GLIS3: variants seen among roughly 807,000 people sequenced by gnomAD.
The protein encoded by GLIS3 is GLIS family zinc finger 3, also known as zinc finger protein GLIS3.
In GLIS3, 53 loss-of-function variants were observed where a neutral mutation model predicts 78.6. That is an observed-to-expected ratio of 0.67 (90% CI 0.54 to 0.85). The LOEUF is 0.85. GLIS3 is among the 40% of genes least tolerant of loss of function. The probability of loss-of-function intolerance (pLI) is 0.00; values close to 1 mark genes in which losing one functional copy is unlikely to be tolerated. For synonymous variants in GLIS3, 684 were observed against 509.9 expected, an observed-to-expected ratio of 1.34 and a Z score of -4.60; for missense variants, 1,703 against 1,231.1, an observed-to-expected ratio of 1.38 and a Z score of -5.74.
chr9:4,109,920 T>C (rs12345823), intron 4 of GLIS3, among the ~76,000 whole-genome samples: 34,299 of 152,152 alleles, frequency 0.23, 4,041 homozygotes, highest in Admixed American at 0.29. Flanking sequence ...TTACCTCCTC[T>C]AACAAGCCTG....
chr9:4,024,306 A>G (rs1823132079), intron 4 of GLIS3, among the ~76,000 whole-genome samples: 1 of 152,222 alleles, frequency 6.6e-6, no homozygotes, highest in South Asian at 2.1e-4. Context: ...TCACGGCTGT[A>G]CGAGCTGCAA....
At chr9:4,359,778 C>A in the GLIS3 span, among the ~76,000 whole-genome samples, 28 of 152,258 alleles carry the variant, frequency 1.8e-4, no homozygotes, top group Middle Eastern at 3.4e-3. Flanking sequence ...GAGGTACACA[C>A]TGCCCCGGTC....
At chr9:4,436,123 G>C in the GLIS3 span, among the ~76,000 whole-genome samples, 1 of 152,118 alleles carries the variant, frequency 6.6e-6, no homozygotes, top group Admixed American at 6.5e-5. Context: ...TATATCCTTG[G>C]ACTCAACAAT....
At position 4,190,529 on chromosome 9, in the gene GLIS3, A is replaced by G. The variant is rs543161507; in HGVS notation, c.389-64588T>C. Reference sequence around the variant, plus strand: ...CAAAACCTCCAAGAAATATGGGACTATGTGAAAAGACCAAGTCTACGTCTG... The same window carrying G: ...CAAAACCTCCAAGAAATATGGGACTGTGTGAAAAGACCAAGTCTACGTCTG... On this transcript the variant is annotated intron_variant, in intron 2 of 10. Transcript: ENST00000381971. 3.4e-3 allele frequency among the ~76,000 whole-genome samples: 461 copies of G among 137,174 alleles called. 36 individuals are homozygous for G. The highest frequency in any genetic ancestry group is 0.011 in the African/African-American group (453 of 40,796). The allele number at this position is 137,174 out of a possible 152,430, so 90.0% of individuals were successfully genotyped here.
At chr9:3,920,008 T>G (rs1057414258) in intron 6 of GLIS3, among the ~76,000 whole-genome samples, 16 of 148,362 alleles carry the variant, frequency 1.1e-4, no homozygotes, top group Admixed American at 3.3e-4. Flanking sequence ...CAGTTTTTTT[T>G]TTTTTTTTTT....
the GLIS3 span, among the ~76,000 whole-genome samples, chr9:4,444,566 C>A: frequency 6.6e-6 from 1 of 152,346 alleles, no homozygotes; most frequent in Non-Finnish European, 1.5e-5. Context: ...AAGTAAAACA[C>A]CTGGCTGCTG....
chr9:4,091,756 T>C (rs1224036186), intron 4 of GLIS3, among the ~76,000 whole-genome samples: 1 of 152,186 alleles, frequency 6.6e-6, no homozygotes, highest in Non-Finnish European at 1.5e-5. Flanking sequence ...TTCCTGAGGC[T>C]TCCCCAGCCC....
At chr9:4,181,773 G>C (rs957813486) in intron 2 of GLIS3, among the ~76,000 whole-genome samples, 2 of 152,182 alleles carry the variant, frequency 1.3e-5, no homozygotes, top group South Asian at 2.1e-4. Flanking sequence ...TGGGAGTCCT[G>C]TGATCACTAG....
chr9:4,032,543 C>G (rs865949393), intron 4 of GLIS3, among the ~76,000 whole-genome samples: 2 of 152,026 alleles, frequency 1.3e-5, no homozygotes, highest in Non-Finnish European at 2.9e-5. Context: ...GCTCATAAAA[C>G]AAACTGAAGG....
chr9:3,981,988 C>T (rs1819325416), intron 4 of GLIS3, among the ~76,000 whole-genome samples: 1 of 152,020 alleles, frequency 6.6e-6, no homozygotes, highest in African/African-American at 2.4e-5. Flanking sequence ...AATCTTATTC[C>T]ACCTGCAAAG....
At chr9:4,466,597 G>C in the GLIS3 span, among the ~76,000 whole-genome samples, 1 of 152,194 alleles carries the variant, frequency 6.6e-6, no homozygotes, top group South Asian at 2.1e-4. Context: ...CATAACCAAT[G>C]GGATTTATAC....
At chr9:3,910,915 ACT>A (rs1428806154) in intron 6 of GLIS3, among the ~76,000 whole-genome samples, 1 of 152,144 alleles carries the variant, frequency 6.6e-6, no homozygotes, top group Non-Finnish European at 1.5e-5. Context: ...CACCTTAATT[ACT>A]CTCAATACAG....
At chr9:4,392,258 A>G in the GLIS3 span, among the ~76,000 whole-genome samples, 1 of 151,384 alleles carries the variant, frequency 6.6e-6, no homozygotes, top group African/African-American at 2.4e-5. Flanking sequence ...GGGTCGGGGG[A>G]GGGAGAACAT....
the GLIS3 span, among the ~76,000 whole-genome samples, chr9:4,474,297 G>C: frequency 6.6e-6 from 1 of 152,204 alleles, no homozygotes; most frequent in African/African-American, 2.4e-5. Context: ...CTTGAGCTCA[G>C]AAGTTCAAGA....
In GLIS3 at chr9:4,118,422, C is replaced by G. The variant is rs140880100; in HGVS notation, c.1056G>C (p.Leu352=). Residue 352 remains leucine, a synonymous_variant, in exon 4 of 11, where the codon CTG becomes CTC. Coordinates refer to ENST00000381971, the MANE Select transcript of GLIS3 (RefSeq NM_001042413.2). The surrounding 1 kb of genome is among the most constrained non-coding windows in gnomAD (Gnocchi z 4.7). ...SPQPEVYGHF[L]GVRGSCIPQP... ...GGGGAATGCAGCTGCCGCGCACGCC[C>G]AGGAAATGCCCGTAGACCTCCGGCT... The G allele has an allele frequency of 3.3e-4, 524 of 1,610,434 alleles. 3 individuals are homozygous for G. The highest frequency in any genetic ancestry group is 2.5e-3 in the Middle Eastern group (15 of 6,082).
At chr9:4,276,286 T>C (rs1179703046) in intron 2 of GLIS3, among the ~76,000 whole-genome samples, 2 of 118,372 alleles carry the variant, frequency 1.7e-5, no homozygotes, top group Non-Finnish European at 3.5e-5. Context: ...AAGAAAAAAA[T>C]GAGAATAGAG....
intron 7 of GLIS3, among the ~76,000 whole-genome samples, chr9:3,895,255 T>TA (rs1446543928): frequency 7.2e-5 from 11 of 152,246 alleles, no homozygotes; most frequent in African/African-American, 2.7e-4. Context: ...TAGTCCCTCT[T>TA]AGACTATCAG....
intron 2 of GLIS3, among the ~76,000 whole-genome samples, chr9:4,327,996 A>G (rs987408189): frequency 1.3e-5 from 2 of 152,216 alleles, no homozygotes; most frequent in Non-Finnish European, 2.9e-5. Context: ...AAGCCTCCAC[A>G]TGCACGTGAC....
At chr9:3,900,217 GATA>G (rs1243161834) in intron 6 of GLIS3, among the ~76,000 whole-genome samples, 1 of 149,094 alleles carries the variant, frequency 6.7e-6, no homozygotes, top group Non-Finnish European at 1.5e-5. Flanking sequence ...AAACAGAAAT[GATA>G]ATAAGCGTGA....
Sources: allele counts gnomAD v4.1 joint callset (sites outside exome capture counted in the v4.1 genomes callset), GRCh38; gene constraint gnomAD v4.1.1; non-coding constraint Gnocchi (gnomAD v3.1); transcripts MANE v1.5; gene names NCBI Gene and HGNC (gene_info 2026-07-23, HGNC 2026-07-21).